The following LRIF1 variants were observed in gnomAD, a reference collection of about 807,000 sequenced individuals.
The protein encoded by LRIF1 is ligand-dependent nuclear receptor-interacting factor 1.
LRIF1 carries 32 observed loss-of-function variants against 52.7 expected under a neutral mutation model. The ratio of observed to expected loss-of-function variants is 0.61; its 90% confidence interval spans 0.46 to 0.82. The LOEUF (loss-of-function observed/expected upper bound fraction) is 0.82. LRIF1 is among the 40% of genes least tolerant of loss of function. The probability of loss-of-function intolerance (pLI) is 0.00; values close to 1 mark genes in which losing one functional copy is unlikely to be tolerated. For synonymous variants in LRIF1, 323 were observed against 317.4 expected (o/e 1.02, Z -0.19); for missense variants, 887 against 892.0 (o/e 0.99, Z 0.07).
the LRIF1 span, among the ~76,000 whole-genome samples, chr1:110,904,520 C>A: frequency 6.6e-6 from 1 of 152,092 alleles, no homozygotes; most frequent in African/African-American, 2.4e-5. Context: ...GAATTCTCCC[C>A]AATTTTATCC....
At chr1:110,922,010 T>C in the LRIF1 span, among the ~76,000 whole-genome samples, 1 of 152,172 alleles carries the variant, frequency 6.6e-6, no homozygotes. Flanking sequence ...GTGTCTGTTG[T>C]TCCTTTCTTT....
the LRIF1 span, among the ~76,000 whole-genome samples, chr1:110,926,991 A>C: frequency 2.0e-5 from 3 of 152,192 alleles, no homozygotes; most frequent in African/African-American, 7.2e-5. Context: ...TTGGTATTAC[A>C]GATCAGTTGA....
chr1:110,891,487 C>A, the LRIF1 span: 37 of 1,603,830 alleles, frequency 2.3e-5, no homozygotes, highest in Admixed American at 2.2e-4. Context: ...TGTATCTCTT[C>A]TGAGCACGGT....
chr1:110,926,667 A>C, the LRIF1 span, among the ~76,000 whole-genome samples: 5 of 152,162 alleles, frequency 3.3e-5, no homozygotes, highest in Non-Finnish European at 5.9e-5. Context: ...TAGAGATTGC[A>C]TCTCTCAACA....
At chr1:110,935,824 T>C in the LRIF1 span, among the ~76,000 whole-genome samples, 14 of 152,022 alleles carry the variant, frequency 9.2e-5, no homozygotes, top group African/African-American at 3.4e-4. Flanking sequence ...TAGAAAAATA[T>C]ATCAATATCC....
the LRIF1 span, among the ~76,000 whole-genome samples, chr1:110,879,440 A>C: frequency 6.6e-6 from 1 of 152,242 alleles, no homozygotes; most frequent in South Asian, 2.1e-4. Context: ...ACAGAATACT[A>C]TGTTATTTGA....
the LRIF1 span, among the ~76,000 whole-genome samples, chr1:110,916,167 C>G: frequency 6.6e-6 from 1 of 151,656 alleles, no homozygotes; most frequent in South Asian, 2.1e-4. Flanking sequence ...AAGTCTGAAA[C>G]CAGAAAAAAA....
At chr1:110,904,665 G>T in the LRIF1 span, among the ~76,000 whole-genome samples, 1 of 152,058 alleles carries the variant, frequency 6.6e-6, no homozygotes, top group Non-Finnish European at 1.5e-5. Context: ...TTCCCAAAAA[G>T]GACAAGTACA....
At chr1:110,898,569 T>C in the LRIF1 span, among the ~76,000 whole-genome samples, 1 of 152,080 alleles carries the variant, frequency 6.6e-6, no homozygotes, top group Non-Finnish European at 1.5e-5. Flanking sequence ...GTTAAGGGGC[T>C]GATGACGAAA....
Position 110,963,769 on chromosome 1 carries a change from G to T in LRIF1, c.-81C>A. 1.7e-6 allele frequency: 2 copies of T among 1,160,718 alleles called. No homozygotes were observed. Among genetic ancestry groups the T allele is most frequent in the Non-Finnish European group, 2.5e-6 (2 of 799,768 alleles). 71.9% of individuals were successfully genotyped at this position (1,160,718 alleles called of 1,614,324 possible). On this transcript the variant is annotated 5_prime_UTR_variant, in exon 1 of 4. Transcript: ENST00000369763. ...GTTTCCCAATGGGGCGAGAACCAGA[G>T]CGAGGGAATGTTGGGCTGGAGTTGC...
At chr1:110,883,367 A>G in the LRIF1 span, among the ~76,000 whole-genome samples, 5 of 152,054 alleles carry the variant, frequency 3.3e-5, no homozygotes, top group African/African-American at 9.6e-5. Context: ...AGTTTTTTCA[A>G]TGTTAAAATA....
rs970388822 is a variant in LRIF1 at position 110,963,697 on chromosome 1, G to A, written c.-9C>T. The A allele has an allele frequency of 1.2e-6, 2 of 1,600,060 alleles. No homozygotes were observed. Reference sequence around the variant, plus strand: ...CGTAGGTTATTTGACATTTTAGTGGGGAGAAAGGGGACACCTCATCCAGAA... The same window carrying A: ...CGTAGGTTATTTGACATTTTAGTGGAGAGAAAGGGGACACCTCATCCAGAA... On this transcript the variant is annotated 5_prime_UTR_variant, in exon 1 of 4. Transcript: ENST00000369763.
the LRIF1 span, among the ~76,000 whole-genome samples, chr1:110,893,202 G>A: frequency 2.6e-5 from 4 of 152,346 alleles, no homozygotes; most frequent in Non-Finnish European, 5.9e-5. Flanking sequence ...TGGTGTAACA[G>A]TGCCACTCTA....
chr1:110,951,651 A>C lies in LRIF1; in HGVS notation c.1233T>G (p.Val411=), dbSNP rs1658482794. Reference sequence around the variant, plus strand: ...TACTTTTAGCCAAAACAATATTTACAACCTCTCTGGATATTTCTGTGACTG... The same window carrying C: ...TACTTTTAGCCAAAACAATATTTACCACCTCTCTGGATATTTCTGTGACTG... ...SSPVTEISRE[V]VNIVLAKSKS... is the part of the protein sequence containing the mutation. Residue 411 remains valine, a synonymous_variant, in exon 2 of 4, where the codon GTT becomes GTG. Transcript: ENST00000369763. 6.2e-7 allele frequency: 1 copy of C among 1,614,092 alleles called. No homozygotes were observed. Among genetic ancestry groups the C allele is most frequent in the Non-Finnish European group, 8.5e-7 (1 of 1,180,014 alleles).
At chr1:110,892,740 C>A in the LRIF1 span, 2 of 524,932 alleles carry the variant, frequency 3.8e-6, no homozygotes, top group South Asian at 2.9e-5. Flanking sequence ...GCATTGCTAT[C>A]CCCCTTGTAG....
intron 1 of LRIF1, 56 bp downstream of exon 1, chr1:110,963,565 C>T (rs992780193): frequency 3.4e-6 from 5 of 1,472,278 alleles, no homozygotes; most frequent in African/African-American, 2.8e-5. Flanking sequence ...GCCGACTCCA[C>T]ATCCCTAAGA....
At chr1:110,925,371 A>T in the LRIF1 span, among the ~76,000 whole-genome samples, 1 of 152,184 alleles carries the variant, frequency 6.6e-6, no homozygotes, top group African/African-American at 2.4e-5. Context: ...GATCTTGGGC[A>T]TGCCAGCCTC....
At chr1:110,908,842 A>G in the LRIF1 span, among the ~76,000 whole-genome samples, 2 of 152,216 alleles carry the variant, frequency 1.3e-5, no homozygotes, top group African/African-American at 4.8e-5. Context: ...AAATTTTCCC[A>G]ACATCTCTAG....
At chr1:110,895,271 GA>G in the LRIF1 span, among the ~76,000 whole-genome samples, 4 of 152,142 alleles carry the variant, frequency 2.6e-5, no homozygotes, top group African/African-American at 4.8e-5. Flanking sequence ...TTTCTAACAT[GA>G]ATAGGTTTAT....
Sources: gnomAD v4.1 joint callset for allele counts (sites outside exome capture counted in the v4.1 genomes callset) on GRCh38, gnomAD v4.1.1 for gene constraint, MANE v1.5 for transcripts, NCBI Gene and HGNC (gene_info 2026-07-23, HGNC 2026-07-21) for gene names.